The following FHIT variants were observed in gnomAD, a reference collection of about 807,000 sequenced individuals.
FHIT encodes the protein fragile histidine triad diadenosine triphosphatase, also known as bis(5'-adenosyl)-triphosphatase.
FHIT carries 19 observed loss-of-function variants against 17.9 expected under a neutral mutation model. The ratio of observed to expected loss-of-function variants is 1.06; its 90% CI spans 0.74 to 1.56. FHIT has a LOEUF of 1.56. FHIT is among the 40% of genes most tolerant of loss of function. The pLI is 0.00. For synonymous variants in FHIT, 81 were observed against 69.7 expected, an observed-to-expected ratio of 1.16 and a Z score of -0.81; for missense variants, 248 against 189.2, an observed-to-expected ratio of 1.31 and a Z score of -1.82.
intron 4 of FHIT, among the ~76,000 whole-genome samples, chr3:60,688,142 A>G (rs2040901607): frequency 6.6e-6 from 1 of 152,178 alleles, no homozygotes; most frequent in Non-Finnish European, 1.5e-5. Context: ...CTAGTTTAAT[A>G]AACATTTCAC....
chr3:60,862,122 A>G (rs782727828), intron 3 of FHIT, among the ~76,000 whole-genome samples: 2 of 152,168 alleles, frequency 1.3e-5, no homozygotes, highest in African/African-American at 2.4e-5. Context: ...AAACAGATAT[A>G]ATCCCTGCCC....
chr3:60,536,766 C>G (rs1214774312), intron 5 of FHIT, 94 bp downstream of exon 5: 1 of 1,321,626 alleles, frequency 7.6e-7, no homozygotes, highest in East Asian at 2.5e-5. Context: ...CCTTTTTGGA[C>G]AGACTGGAGG....
At chr3:60,132,859 C>T (rs1699652297) in intron 5 of FHIT, among the ~76,000 whole-genome samples, 2 of 152,176 alleles carry the variant, frequency 1.3e-5, no homozygotes, top group African/African-American at 4.8e-5. Context: ...TGTTGCTAAA[C>T]CCACCATCTA....
At chr3:60,302,910 T>C (rs1465559598) in intron 5 of FHIT, among the ~76,000 whole-genome samples, 1 of 152,194 alleles carries the variant, frequency 6.6e-6, no homozygotes, top group Admixed American at 6.5e-5. Flanking sequence ...AAAGCTTTGA[T>C]GCCATCAGCC....
intron 5 of FHIT, among the ~76,000 whole-genome samples, chr3:60,202,544 A>G (rs1300557679): frequency 6.6e-6 from 1 of 152,212 alleles, no homozygotes; most frequent in Non-Finnish European, 1.5e-5. Flanking sequence ...TAGAGTAGTT[A>G]TGGTTGCCTG....
In FHIT at chr3:59,852,700, C is replaced by T. The variant is rs148090975; in HGVS notation, c.348+69646G>A. ...ATTCATCCCTCCCTCCCTCCTAATC[C>T]TTGGCAACCACTGATCTTTTTATTA... On this transcript the variant is annotated intron_variant, in intron 8 of 9. Coordinates refer to ENST00000492590, the MANE Select transcript of FHIT (RefSeq NM_002012.4). 8.5e-5 allele frequency among the ~76,000 whole-genome samples: 13 copies of T among 152,300 alleles called. No individual in the cohort carries two copies. In the East Asian group the frequency reaches 1.5e-3, roughly 18 times the overall value.
intron 4 of FHIT, among the ~76,000 whole-genome samples, chr3:60,577,130 C>T (rs1379769266): frequency 6.6e-6 from 1 of 152,062 alleles, no homozygotes; most frequent in Admixed American, 6.6e-5. Context: ...CCTCATTGAT[C>T]AACAGGTACC....
At chr3:60,834,545 G>C (rs975806408) in intron 3 of FHIT, among the ~76,000 whole-genome samples, 2 of 152,052 alleles carry the variant, frequency 1.3e-5, no homozygotes, top group Non-Finnish European at 2.9e-5. Context: ...CCAGCCTGTA[G>C]TTATTCTTTT....
intron 5 of FHIT, among the ~76,000 whole-genome samples, chr3:60,237,642 G>A (rs1053718543): frequency 7.9e-5 from 12 of 152,056 alleles, no homozygotes; most frequent in East Asian, 1.9e-4. Context: ...TCCACAAAGC[G>A]CTCCACTGAC....
intron 4 of FHIT, chr3:60,730,180 C>T: frequency 2.6e-6 from 1 of 388,122 alleles, no homozygotes; most frequent in Non-Finnish European, 5.2e-6. Flanking sequence ...ACTAATGGCT[C>T]TGTGTATCCT....
intron 3 of FHIT, among the ~76,000 whole-genome samples, chr3:60,899,944 C>A (rs1484855992): frequency 3.3e-5 from 5 of 152,174 alleles, no homozygotes; most frequent in South Asian, 2.1e-4. Context: ...ACACTGCATA[C>A]CGCACTGGGC....
intron 5 of FHIT, among the ~76,000 whole-genome samples, chr3:60,338,698 A>T (rs929368697): frequency 6.6e-6 from 1 of 152,216 alleles, no homozygotes; most frequent in African/African-American, 2.4e-5. Context: ...ATGGTATGAC[A>T]TATCTGAACA....
chr3:59,906,550 C>T (rs1704593529), intron 8 of FHIT, among the ~76,000 whole-genome samples: 1 of 152,192 alleles, frequency 6.6e-6, no homozygotes, highest in Non-Finnish European at 1.5e-5. Flanking sequence ...ATTCATACTG[C>T]TTCTGTGGAG....
At chr3:60,811,934 C>G (rs1267699852) in intron 4 of FHIT, among the ~76,000 whole-genome samples, 2 of 152,090 alleles carry the variant, frequency 1.3e-5, no homozygotes, top group Non-Finnish European at 1.5e-5. Context: ...AATGTTGACT[C>G]TAAGAAATAA....
intron 3 of FHIT, among the ~76,000 whole-genome samples, chr3:60,867,767 G>C (rs1704229332): frequency 6.6e-6 from 1 of 152,176 alleles, no homozygotes; most frequent in Non-Finnish European, 1.5e-5. Context: ...GAGGATGTTA[G>C]TGGCTCCCTC....
chr3:61,055,697 G>A (rs373917081), intron 2 of FHIT, among the ~76,000 whole-genome samples: 8 of 152,284 alleles, frequency 5.3e-5, no homozygotes, highest in Admixed American at 2.0e-4. Context: ...CTCAGGATCT[G>A]GGAGAAGAGA....
intron 2 of FHIT, among the ~76,000 whole-genome samples, chr3:61,187,294 T>A (rs997329865): frequency 3.3e-5 from 5 of 152,178 alleles, no homozygotes; most frequent in African/African-American, 1.2e-4. Context: ...CAGACACTGC[T>A]GAGGGCCTGT....
chr3:59,909,235 T>C (rs1165224033), intron 8 of FHIT, among the ~76,000 whole-genome samples: 1 of 151,560 alleles, frequency 6.6e-6, no homozygotes, highest in Non-Finnish European at 1.5e-5. Flanking sequence ...GGCTTCACCA[T>C]GCTGGCCAGG....
chr3:60,551,957 A>G (rs1280289968), intron 4 of FHIT, among the ~76,000 whole-genome samples: 1 of 152,002 alleles, frequency 6.6e-6, no homozygotes, highest in Non-Finnish European at 1.5e-5. Context: ...TTACCCCCAA[A>G]AGAGAAACCA....
Sources: allele counts gnomAD v4.1 joint callset (sites outside exome capture counted in the v4.1 genomes callset), GRCh38; gene constraint gnomAD v4.1.1; transcripts MANE v1.5; gene names NCBI Gene and HGNC (gene_info 2026-07-23, HGNC 2026-07-21).